The following GABARAPL2 variants were observed in gnomAD, a reference collection of about 807,000 sequenced individuals.
GABARAPL2 encodes the protein gamma-aminobutyric acid receptor-associated protein-like 2.
In GABARAPL2, 11 loss-of-function variants were observed where a neutral mutation model predicts 16.9. That is an observed-to-expected ratio of 0.65 (90% CI 0.41 to 1.08). The LOEUF (loss-of-function observed/expected upper bound fraction) is 1.08. Ranked by LOEUF, GABARAPL2 falls within the 50% of genes least tolerant of loss-of-function variation. The probability of loss-of-function intolerance (pLI) is 0.00; values close to 1 mark genes in which losing one functional copy is unlikely to be tolerated. For missense variants in GABARAPL2, 134 were observed against 142.5 expected, an observed-to-expected ratio of 0.94 and a Z score of 0.30; for synonymous variants, 57 against 50.7, an observed-to-expected ratio of 1.12 and a Z score of -0.53.
At chr16:75,566,650 C>A (rs2080884814) in intron 1 of GABARAPL2, 130 bp downstream of exon 1, 3 of 1,114,122 alleles carry the variant, frequency 2.7e-6, no homozygotes, top group African/African-American at 1.5e-5. Context: ...CGCCCATGCC[C>A]TGGTGCCTCG....
chr16:75,571,296 T>C (rs1005577722), intron 3 of GABARAPL2, among the ~76,000 whole-genome samples: 1 of 152,168 alleles, frequency 6.6e-6, no homozygotes, highest in African/African-American at 2.4e-5. Context: ...TGGCCAGATA[T>C]TATAACTGAC....
At chr16:75,567,958 TGTTCATCAGCTCCTCA>T in intron 2 of GABARAPL2, 63 bp from the exon 3 acceptor site, 2 of 1,107,566 alleles carry the variant, frequency 1.8e-6, no homozygotes, top group South Asian at 3.0e-5. Context: ...GCCCACACTC[TGTTCATCAGCTCCTCA>T]GCCATGTGAG....
At chr16:75,567,617 T>C (rs1232928289) in intron 2 of GABARAPL2, among the ~76,000 whole-genome samples, 1 of 152,178 alleles carries the variant, frequency 6.6e-6, no homozygotes, top group African/African-American at 2.4e-5. Flanking sequence ...CTGGCTAAAA[T>C]TCCAGGCATT....
chr16:75,567,028 G>A, intron 2 of GABARAPL2, 121 bp downstream of exon 2: 3 of 862,806 alleles, frequency 3.5e-6, no homozygotes, highest in South Asian at 2.9e-5. Context: ...AGTAGCTGAC[G>A]GGCCAGACCG....
intron 3 of GABARAPL2, 89 bp from the exon 4 acceptor site, chr16:75,577,190 T>G: frequency 1.3e-6 from 1 of 790,116 alleles, no homozygotes; most frequent in Non-Finnish European, 2.3e-6. Context: ...ACACCTGAAG[T>G]CTTACTAAAT....
chr16:75,570,806 T>TC (rs2080909981), intron 3 of GABARAPL2, among the ~76,000 whole-genome samples: 1 of 152,224 alleles, frequency 6.6e-6, no homozygotes, highest in Non-Finnish European at 1.5e-5. Context: ...AATGGCCTTT[T>TC]CCCATTTAGC....
intron 3 of GABARAPL2, among the ~76,000 whole-genome samples, chr16:75,568,915 C>T (rs912737669): frequency 2.6e-5 from 4 of 152,172 alleles, no homozygotes; most frequent in Non-Finnish European, 4.4e-5. Flanking sequence ...CGTCTAACCT[C>T]CTGGTCAGTC....
At chr16:75,574,318 T>G (rs1306100686) in intron 3 of GABARAPL2, among the ~76,000 whole-genome samples, 3 of 152,196 alleles carry the variant, frequency 2.0e-5, no homozygotes, top group Non-Finnish European at 4.4e-5. Context: ...AGAGCAGAAC[T>G]TAGTCTGTTT....
chr16:75,570,173 A>G (rs78189075), intron 3 of GABARAPL2, among the ~76,000 whole-genome samples: 2,947 of 152,112 alleles, frequency 0.019, 98 homozygotes, highest in African/African-American at 0.067. Context: ...TGAGCTCACT[A>G]CAATCTCTGC....
intron 1 of GABARAPL2, 59 bp from the exon 2 acceptor site, chr16:75,566,793 G>A: frequency 6.7e-7 from 1 of 1,499,896 alleles, no homozygotes; most frequent in South Asian, 1.1e-5. Context: ...GGAGGGCCGG[G>A]GGCCGGGAAC....
intron 3 of GABARAPL2, 65 bp from the exon 4 acceptor site, chr16:75,577,214 C>A: frequency 1.1e-6 from 1 of 950,430 alleles, no homozygotes; most frequent in Non-Finnish European, 1.7e-6. Flanking sequence ...TGTCCTCAGG[C>A]CATCCTTTTT....
chr16:75,570,868 A>G (rs1349937989), intron 3 of GABARAPL2, among the ~76,000 whole-genome samples: 1 of 152,226 alleles, frequency 6.6e-6, no homozygotes, highest in Admixed American at 6.5e-5. Flanking sequence ...ATCAGGCCAA[A>G]AACGGAATGG....
In GABARAPL2 at chr16:75,568,375, A is replaced by C. The variant is rs1022848726; in HGVS notation, c.263+166A>C. 136 of 491,478 alleles carry C rather than the reference A, an allele frequency of 2.8e-4. 1 individual carries two copies. Among genetic ancestry groups the C allele is most frequent in the Non-Finnish European group, 5.2e-5 (14 of 269,162 alleles). The allele number at this position is 491,478 out of a possible 1,614,324, so 30.4% of individuals were successfully genotyped here. A position where few individuals can be genotyped will look rare whatever the true frequency, so the allele number is the denominator to read the frequency against. On this transcript the variant is annotated intron_variant, in intron 3 of 3. Coordinates refer to ENST00000037243, the MANE Select transcript of GABARAPL2 (RefSeq NM_007285.7). ...TCCAGGAAAATAATGGCTGCAATAC[A>C]TAAGAGTGCATTTTGGATTCAGAAA...
chr16:75,577,661 C>A lies in GABARAPL2; in HGVS notation c.*292C>A. 1 of 268,034 alleles carries A rather than the reference C, an allele frequency of 3.7e-6. No homozygotes were observed. The highest frequency in any genetic ancestry group is 7.2e-6 in the Non-Finnish European group (1 of 139,550). The allele number at this position is 268,034 out of a possible 1,614,324, so 16.6% of individuals were successfully genotyped here. On this transcript the variant is annotated 3_prime_UTR_variant, in exon 4 of 4. Transcript: ENST00000037243. ...TTTCTATATCGAAGTGAGGTAGGTG[C>A]GGTATTAAAGTGAAAGGGAAGGTGA...
At chr16:75,571,044 C>T (rs1377961138) in intron 3 of GABARAPL2, among the ~76,000 whole-genome samples, 1 of 152,192 alleles carries the variant, frequency 6.6e-6, no homozygotes, top group African/African-American at 2.4e-5. Context: ...AAAATAGAAA[C>T]AGGAGTATAT....
At position 75,568,338 on chromosome 16, in the gene GABARAPL2, G is replaced by C. The variant is rs956995613; in HGVS notation, c.263+129G>C. The C allele has an allele frequency of 3.9e-5, 23 of 596,148 alleles. No individual in the cohort carries two copies. In the African/African-American group the frequency reaches 4.2e-4, roughly 11 times the overall value. The allele number at this position is 596,148 out of a possible 1,614,324, so 36.9% of individuals were successfully genotyped here. On this transcript the variant is annotated intron_variant, in intron 3 of 3. Transcript: ENST00000037243. Reference sequence around the variant, plus strand: ...TAGAAATCTGGATTTTATGCTCCCTGACATCAGGGGCTCCAGGAAAATAAT... The same window carrying C: ...TAGAAATCTGGATTTTATGCTCCCTCACATCAGGGGCTCCAGGAAAATAAT...
At chr16:75,572,553 T>G (rs894309000) in intron 3 of GABARAPL2, 3 of 152,332 alleles carry the variant, frequency 2.0e-5, no homozygotes, top group Middle Eastern at 3.2e-3. Flanking sequence ...ATGTCTGTCT[T>G]GAGTCACATG....
intron 3 of GABARAPL2, among the ~76,000 whole-genome samples, chr16:75,575,335 G>C (rs2080941286): frequency 6.7e-6 from 1 of 149,884 alleles, no homozygotes; most frequent in South Asian, 2.1e-4. Context: ...TGCTCTTGTT[G>C]CCCAGGCTGC....
chr16:75,574,720 C>G (rs74027427), intron 3 of GABARAPL2, among the ~76,000 whole-genome samples: 5,448 of 152,006 alleles, frequency 0.036, 154 homozygotes, highest in African/African-American at 0.079. Context: ...AACAAAAGGT[C>G]AGGCATTTCC....
Sources: gnomAD v4.1 joint callset for allele counts (sites outside exome capture counted in the v4.1 genomes callset) on GRCh38, gnomAD v4.1.1 for gene constraint, MANE v1.5 for transcripts, NCBI Gene and HGNC (gene_info 2026-07-23, HGNC 2026-07-21) for gene names.